The following PDE2A variants were observed in gnomAD, a reference collection of about 807,000 sequenced individuals.
PDE2A encodes the protein cGMP-dependent 3',5'-cyclic phosphodiesterase.
PDE2A carries 53 observed loss-of-function variants against 133.6 expected under a neutral mutation model. The observed-to-expected ratio is 0.40, with a 90% CI of 0.32 to 0.50. The LOEUF is 0.50. Ranked by LOEUF, PDE2A falls within the 20% of genes least tolerant of loss-of-function variation. PDE2A has a pLI of 0.73. For missense variants in PDE2A, 796 were observed against 1,232.4 expected (o/e 0.65, Z 5.30); for synonymous variants, 491 against 490.2 (o/e 1.00, Z -0.02).
chr11:72,580,785 C>A, intron 24 of PDE2A, 101 bp downstream of exon 24: 6 of 973,152 alleles, frequency 6.2e-6, no homozygotes, highest in Non-Finnish European at 8.3e-6. Context: ...CTAAACCTGG[C>A]TCCTGGTCTC....
Position 72,591,746 on chromosome 11 carries a change from GA to G in PDE2A, c.490-391del, listed in dbSNP as rs1398425821. Among the ~76,000 whole-genome samples the G allele has an allele frequency of 3.2e-4, 48 of 152,236 alleles. 2 individuals are homozygous for G. Among genetic ancestry groups the G allele is most frequent in the Admixed American group, 2.6e-3 (39 of 15,288 alleles). ...TCAGCCTCCCGGCTCTATCCTGTCT[GA>G]GTTAGGGTTTGAGCTGCCCCTAAGT... On this transcript the variant is annotated intron_variant, in intron 6 of 30. Coordinates refer to ENST00000334456, the MANE Select transcript of PDE2A (RefSeq NM_002599.5).
intron 1 of PDE2A, among the ~76,000 whole-genome samples, chr11:72,670,345 CTGAA>C (rs1377306627): frequency 6.6e-6 from 1 of 152,194 alleles, no homozygotes; most frequent in Non-Finnish European, 1.5e-5. Context: ...TGAACGGCTG[CTGAA>C]TGAATGAATG....
chr11:72,643,376 G>A (rs909811327), intron 1 of PDE2A: 4 of 152,380 alleles, frequency 2.6e-5, no homozygotes, highest in South Asian at 2.1e-4. Context: ...TGGACTGGAG[G>A]GTGCGCTTGG....
At chr11:72,581,752 C>T (rs382163) in intron 22 of PDE2A, 125 bp downstream of exon 22, 278,998 of 930,324 alleles carry the variant, frequency 0.3, 42,728 homozygotes, top group South Asian at 0.36. Flanking sequence ...ATCCTCCCCA[C>T]CCCCATAAGA....
rs1367255031 is a variant in PDE2A, at chr11:72,614,334, C to T, written c.145-5583G>A. ...AGAATAGAGGAAAGAGGCTTGGCAA[C>T]CCTTGGGAGGCTTAGTCTGAAGGAG... On this transcript the variant is annotated intron_variant, in intron 2 of 30. Transcript: ENST00000334456. Among the ~76,000 whole-genome samples the T allele has an allele frequency of 2.0e-5, 3 of 152,212 alleles. No homozygotes were observed. The East Asian group carries it at 5.8e-4, about 29-fold the overall frequency.
intron 1 of PDE2A, among the ~76,000 whole-genome samples, chr11:72,664,662 C>T (rs1271588920): frequency 1.3e-5 from 2 of 151,314 alleles, no homozygotes; most frequent in Non-Finnish European, 1.5e-5. Flanking sequence ...TGTGAGCCAC[C>T]GTGCCCGGCC....
At chr11:72,593,503 C>T (rs1856344078) in intron 6 of PDE2A, among the ~76,000 whole-genome samples, 1 of 152,150 alleles carries the variant, frequency 6.6e-6, no homozygotes, top group African/African-American at 2.4e-5. Flanking sequence ...CCAGCACAGC[C>T]CCCAGGTCCC....
At chr11:72,643,565 C>G (rs1591123694) in intron 1 of PDE2A, 1 of 152,308 alleles carries the variant, frequency 6.6e-6, no homozygotes. Context: ...TGAATCCCCC[C>G]GTCAACTGCA....
chr11:72,617,473 T>A (rs577262817), intron 2 of PDE2A, among the ~76,000 whole-genome samples: 1 of 152,200 alleles, frequency 6.6e-6, no homozygotes, highest in Admixed American at 6.5e-5. Context: ...CTGGGCGCTC[T>A]CTCTGTGCCT....
Position 72,635,875 on chromosome 11 carries a change from A to G in PDE2A, c.144+6379T>C, listed in dbSNP as rs539575543. Reference sequence around the variant, plus strand: ...TGATGTTGGGGCGATACTGCTCTTCAGCTCTGCCTGTCTCCCTTTGCTCTC... The same window carrying G: ...TGATGTTGGGGCGATACTGCTCTTCGGCTCTGCCTGTCTCCCTTTGCTCTC... On this transcript the variant is annotated intron_variant, in intron 2 of 30. Coordinates refer to ENST00000334456, the MANE Select transcript of PDE2A (RefSeq NM_002599.5). The G allele has an allele frequency of 1.9e-5, 13 of 671,876 alleles. No individual in the cohort carries two copies. In the East Asian group the frequency reaches 9.1e-4, roughly 47 times the overall value. 41.6% of individuals were successfully genotyped at this position (671,876 alleles called of 1,614,324 possible). A position where few individuals can be genotyped will look rare whatever the true frequency, so the allele number is the denominator to read the frequency against.
At chr11:72,658,579 C>T (rs572497227) in intron 1 of PDE2A, among the ~76,000 whole-genome samples, 3 of 152,152 alleles carry the variant, frequency 2.0e-5, no homozygotes, top group Admixed American at 6.6e-5. Flanking sequence ...GTGATCCTCC[C>T]GCCTCAGCTT....
chr11:72,601,686 C>T (rs969428230), intron 4 of PDE2A, among the ~76,000 whole-genome samples: 5 of 152,080 alleles, frequency 3.3e-5, no homozygotes, highest in African/African-American at 9.7e-5. Flanking sequence ...AAGAGGAAGG[C>T]GGCAGAGCTG....
At chr11:72,672,163 TTTC>T (rs1057199419) in intron 1 of PDE2A, among the ~76,000 whole-genome samples, 3 of 140,344 alleles carry the variant, frequency 2.1e-5, no homozygotes, top group Admixed American at 7.3e-5. Flanking sequence ...TTTCTTTATT[TTTC>T]TTCTTCTTTT....
At chr11:72,611,937 A>G (rs572295408) in intron 2 of PDE2A, among the ~76,000 whole-genome samples, 1 of 152,338 alleles carries the variant, frequency 6.6e-6, no homozygotes, top group East Asian at 1.9e-4. Flanking sequence ...GTGTGGGCTC[A>G]GAGGGAAGAG....
At chr11:72,616,370 C>A (rs1159515076) in intron 2 of PDE2A, among the ~76,000 whole-genome samples, 3 of 152,204 alleles carry the variant, frequency 2.0e-5, no homozygotes, top group African/African-American at 2.4e-5. Context: ...GCAGTGCCAC[C>A]CTTTCCCGTC....
intron 1 of PDE2A, among the ~76,000 whole-genome samples, chr11:72,666,960 T>G (rs1395134473): frequency 1.3e-5 from 2 of 151,994 alleles, no homozygotes; most frequent in African/African-American, 4.8e-5. Flanking sequence ...ACAAAAATTA[T>G]GCAGGTGTGG....
intron 7 of PDE2A, 64 bp downstream of exon 7, chr11:72,591,233 C>T (rs1000309456): frequency 4.3e-6 from 6 of 1,381,586 alleles, no homozygotes; most frequent in Non-Finnish European, 6.2e-6. Flanking sequence ...CTGGCCAGGC[C>T]ATCTTCCCAC....
chr11:72,660,946 G>C (rs746957884), intron 1 of PDE2A, among the ~76,000 whole-genome samples: 5 of 152,060 alleles, frequency 3.3e-5, no homozygotes, highest in Non-Finnish European at 7.4e-5. Context: ...AAACATAAGA[G>C]AAATCAGGCA....
Position 72,674,367 on chromosome 11 carries a change from T to G in PDE2A, c.-160A>C. 1.6e-6 allele frequency: 1 copy of G among 627,370 alleles called. No individual in the cohort carries two copies. Among genetic ancestry groups the G allele is most frequent in the Non-Finnish European group, 2.7e-6 (1 of 369,656 alleles). The allele number at this position is 627,370 out of a possible 1,614,324, so 38.9% of individuals were successfully genotyped here. On this transcript the variant is annotated 5_prime_UTR_variant, in exon 1 of 31. Transcript: ENST00000334456. Reference sequence around the variant, plus strand: ...ACTCAACACCCCAATCCAGCTCTGCTGCCCCGCTGCTCCCGCCTCTCCCGC... The same window carrying G: ...ACTCAACACCCCAATCCAGCTCTGCGGCCCCGCTGCTCCCGCCTCTCCCGC...
Sources: allele counts gnomAD v4.1 joint callset (sites outside exome capture counted in the v4.1 genomes callset), GRCh38; gene constraint gnomAD v4.1.1; transcripts MANE v1.5; gene names NCBI Gene and HGNC (gene_info 2026-07-23, HGNC 2026-07-21).